The following ALDH1L1 variants were observed in gnomAD, a reference collection of about 807,000 sequenced individuals.
ALDH1L1 encodes the protein aldehyde dehydrogenase 1 family member L1.
A neutral mutation model predicts 101.1 loss-of-function variants in ALDH1L1; 68 were observed. The observed-to-expected ratio is 0.67, with a 90% CI of 0.55 to 0.82. The LOEUF (loss-of-function observed/expected upper bound fraction) is 0.82, where lower values mean the gene tolerates loss of function less well. ALDH1L1 is among the 40% of genes least tolerant of loss of function. The pLI, the probability that ALDH1L1 is intolerant of heterozygous loss-of-function variation, is 0.00. For missense variants in ALDH1L1, 1,087 were observed against 1,172.7 expected (o/e 0.93, Z 1.07); for synonymous variants, 486 against 470.8 (o/e 1.03, Z -0.42).
At chr3:126,174,319 C>T (rs1414016634) in intron 1 of ALDH1L1, among the ~76,000 whole-genome samples, 2 of 152,182 alleles carry the variant, frequency 1.3e-5, no homozygotes, top group Non-Finnish European at 2.9e-5. Context: ...CGTAAGCCAC[C>T]GTGCCTGGCC....
In ALDH1L1 at chr3:126,105,869, C is replaced by A; in HGVS notation, c.2510G>T (p.Gly837Val). Residue 837 changes from glycine (G) to valine (V), a missense_variant, in exon 22 of 23, where the codon GGT becomes GTT. By Grantham distance (109) the Gly-to-Val change is moderately radical. This residue lies in a region of ALDH1L1 where 442 missense variants were observed against 535.7 expected (regional missense o/e 0.83). Coordinates refer to ENST00000393434, the MANE Select transcript of ALDH1L1 (RefSeq NM_012190.4). ...ANATEFGLASGVFTRDINKAL... is the reference protein window; with the variant it reads ...ANATEFGLASVVFTRDINKAL... ...CTTGTTGATGTCCCTGGTGAAGACA[C>A]CAGAAGCCAGGCCAAATTCCGTGGC... The A allele has an allele frequency of 1.2e-6, 2 of 1,614,170 alleles. No individual in the cohort carries two copies. The highest frequency in any genetic ancestry group is 1.7e-6 in the Non-Finnish European group (2 of 1,180,020).
At chr3:126,111,595 C>T (rs778483969) in intron 19 of ALDH1L1, among the ~76,000 whole-genome samples, 3 of 152,218 alleles carry the variant, frequency 2.0e-5, no homozygotes, top group Admixed American at 6.5e-5. Context: ...TGTTCTAGCC[C>T]GTCCTAGAAA....
intron 20 of ALDH1L1, among the ~76,000 whole-genome samples, chr3:126,108,440 G>A (rs1945961842): frequency 1.3e-5 from 2 of 152,198 alleles, no homozygotes; most frequent in Non-Finnish European, 2.9e-5. Flanking sequence ...CCCTGCTCCT[G>A]GTACAAGGCC....
intron 14 of ALDH1L1, chr3:126,129,526 C>T (rs1559932863): frequency 6.6e-6 from 1 of 152,408 alleles, no homozygotes; most frequent in Non-Finnish European, 1.5e-5. Flanking sequence ...GGCGCATCCT[C>T]AGTGCAGATC....
At chr3:126,111,852 C>T (rs1007492547) in intron 19 of ALDH1L1, among the ~76,000 whole-genome samples, 3 of 152,164 alleles carry the variant, frequency 2.0e-5, no homozygotes, top group South Asian at 2.1e-4. Flanking sequence ...GTGCTCTTCG[C>T]GGAAGCTAAG....
chr3:126,191,369 G>T (rs1053359382), intron 1 of ALDH1L1, among the ~76,000 whole-genome samples: 1 of 152,232 alleles, frequency 6.6e-6, no homozygotes, highest in Admixed American at 6.5e-5. Context: ...CCTCAGCTGC[G>T]GGGGCTGACT....
intron 1 of ALDH1L1, among the ~76,000 whole-genome samples, chr3:126,165,326 GT>G (rs2081144253): frequency 6.6e-6 from 1 of 152,132 alleles, no homozygotes; most frequent in African/African-American, 2.4e-5. Flanking sequence ...TGGTTTGCTA[GT>G]ATTTTGTTGA....
chr3:126,114,535 C>T, intron 18 of ALDH1L1, 22 bp downstream of exon 18: 1 of 1,482,676 alleles, frequency 6.7e-7, no homozygotes, highest in Non-Finnish European at 9.0e-7. Flanking sequence ...CTGTCCCTGC[C>T]CCCTCCAGGC....
At chr3:126,132,134 T>C (rs1168389140) in intron 12 of ALDH1L1, among the ~76,000 whole-genome samples, 4 of 152,222 alleles carry the variant, frequency 2.6e-5, no homozygotes, top group African/African-American at 7.2e-5. Context: ...TTCTGACGGA[T>C]GTGCAGCTGT....
At chr3:126,178,910 C>CT (rs1415149898) in intron 1 of ALDH1L1, among the ~76,000 whole-genome samples, 3 of 150,426 alleles carry the variant, frequency 2.0e-5, no homozygotes, top group Non-Finnish European at 4.4e-5. Context: ...ACTGAATGTT[C>CT]TTTTTTTATA....
intron 10 of ALDH1L1, among the ~76,000 whole-genome samples, chr3:126,137,138 G>T (rs1185285322): frequency 7.1e-6 from 1 of 141,218 alleles, no homozygotes; most frequent in Non-Finnish European, 1.5e-5. Context: ...TGGGCTAAGA[G>T]GACTCAGACA....
At chr3:126,158,050 C>T (rs115660227) in intron 3 of ALDH1L1, among the ~76,000 whole-genome samples, 2,019 of 152,258 alleles carry the variant, frequency 0.013, 37 homozygotes, top group African/African-American at 0.046. Flanking sequence ...CCCCAGCCCA[C>T]CGCCTGGGGT....
chr3:126,175,569 A>G (rs2108333823), intron 1 of ALDH1L1, among the ~76,000 whole-genome samples: 1 of 152,284 alleles, frequency 6.6e-6, no homozygotes, highest in East Asian at 1.9e-4. Context: ...AATGTAATCC[A>G]TCGCATGAAT....
chr3:126,116,470 A>G (rs2079974909), intron 17 of ALDH1L1, among the ~76,000 whole-genome samples: 1 of 152,158 alleles, frequency 6.6e-6, no homozygotes. Flanking sequence ...CTTGCCCCCC[A>G]AACCCTCTGT....
intron 9 of ALDH1L1, among the ~76,000 whole-genome samples, chr3:126,141,472 C>T (rs7631648): frequency 0.22 from 34,053 of 151,866 alleles, 4,662 homozygotes; most frequent in African/African-American, 0.39. Context: ...TAAGTCTTAA[C>T]ACATGTAAAA....
At position 126,135,473 on chromosome 3, in the gene ALDH1L1, C is replaced by A. The variant is rs2276725; in HGVS notation, c.1472+62G>T. ...TAAAAGGGCCTCCACAGAAGTCCCC[C>A]CCGTGCCACTGCCCAGAAGCTGATG... On this transcript the variant is annotated intron_variant, in intron 12 of 22. Transcript: ENST00000393434. 15 of 1,569,428 alleles carry A rather than the reference C, an allele frequency of 9.6e-6. No homozygotes were observed. The South Asian group carries it at 1.5e-4, about 16-fold the overall frequency.
At chr3:126,116,154 A>G (rs944739564) in intron 17 of ALDH1L1, among the ~76,000 whole-genome samples, 2 of 151,530 alleles carry the variant, frequency 1.3e-5, no homozygotes, top group Admixed American at 6.6e-5. Flanking sequence ...AAGTGCTGGG[A>G]TTCCAGGTGT....
At chr3:126,147,331 T>C (rs182139169) in intron 8 of ALDH1L1, among the ~76,000 whole-genome samples, 1 of 152,290 alleles carries the variant, frequency 6.6e-6, no homozygotes, top group East Asian at 1.9e-4. Flanking sequence ...GTGTCCCTAG[T>C]GTGACACCGA....
At chr3:126,130,193 G>A (rs367740488) in intron 14 of ALDH1L1, 30 bp downstream of exon 14, 12 of 1,586,444 alleles carry the variant, frequency 7.6e-6, no homozygotes, top group Non-Finnish European at 1.0e-5. Flanking sequence ...AGCACCGCGA[G>A]GCTGCACCTC....
Sources: allele counts gnomAD v4.1 joint callset (sites outside exome capture counted in the v4.1 genomes callset), GRCh38; gene constraint gnomAD v4.1.1; regional missense constraint gnomAD v4.1.1; transcripts MANE v1.5; gene names NCBI Gene and HGNC (gene_info 2026-07-23, HGNC 2026-07-21).